The following NUDT9 variants were observed in gnomAD, a reference collection of about 807,000 sequenced individuals.
NUDT9 encodes ADP-ribose pyrophosphatase.
NUDT9 carries 31 observed loss-of-function variants against 41.0 expected under a neutral mutation model. The ratio of observed to expected loss-of-function variants is 0.76; its 90% CI spans 0.57 to 1.02. NUDT9 has a LOEUF of 1.02. Ranked by LOEUF, NUDT9 falls within the 50% of genes least tolerant of loss-of-function variation. NUDT9 has a pLI of 0.00. For missense variants in NUDT9, 380 were observed against 431.4 expected, an observed-to-expected ratio of 0.88 and a Z score of 1.06; for synonymous variants, 146 against 147.6, an observed-to-expected ratio of 0.99 and a Z score of 0.08.
intron 3 of NUDT9, 125 bp from the exon 4 acceptor site, chr4:87,441,704 G>A (rs1722208755): frequency 1.3e-6 from 1 of 769,548 alleles, no homozygotes; most frequent in African/African-American, 1.7e-5. Flanking sequence ...ATATGTGATA[G>A]TTCCATTGGA....
chr4:87,429,807 T>C (rs10213468), intron 1 of NUDT9, among the ~76,000 whole-genome samples: 100,936 of 150,690 alleles, frequency 0.67, 34,488 homozygotes, highest in African/African-American at 0.81. Flanking sequence ...TTTCCCTCTT[T>C]CTGTTTGCCT....
At chr4:87,442,588 T>C (rs1722250431) in intron 4 of NUDT9, among the ~76,000 whole-genome samples, 1 of 152,256 alleles carries the variant, frequency 6.6e-6, no homozygotes, top group African/African-American at 2.4e-5. Flanking sequence ...AAAACCTTTT[T>C]GGCTTTTTTA....
At position 87,442,004 on chromosome 4, in the gene NUDT9, C is replaced by G. The variant is rs988745678; in HGVS notation, c.530+89C>G. The G allele has an allele frequency of 6.1e-6, 5 of 824,904 alleles. No homozygotes were observed. In the African/African-American group the frequency reaches 8.6e-5, roughly 14 times the overall value. The allele number at this position is 824,904 out of a possible 1,614,324, so 51.1% of individuals were successfully genotyped here. ...AGCTATGTTTGTGTATATATGTATA[C>G]CTGTGTGTATATACATATGTATGTG... On this transcript the variant is annotated intron_variant, in intron 4 of 7. Coordinates refer to ENST00000302174, the MANE Select transcript of NUDT9 (RefSeq NM_024047.5).
chr4:87,425,587 G>A (rs1721377466), intron 1 of NUDT9, among the ~76,000 whole-genome samples: 1 of 150,764 alleles, frequency 6.6e-6, no homozygotes, highest in Admixed American at 6.6e-5. Context: ...TAGAGATGGG[G>A]TTTTACCATT....
rs1444367630 is a variant in NUDT9 at position 87,448,034 on chromosome 4, T to A, written c.531-1108T>A. On this transcript the variant is annotated intron_variant, in intron 4 of 7. Transcript: ENST00000302174. ...GTGACAGAGCAAGACCCTGTCTTTT[T>A]AAAAAAAAAAAAAAAAAGATTGAGA... Among the ~76,000 whole-genome samples, 601 of 134,508 alleles carry A rather than the reference T, an allele frequency of 4.5e-3. 3 individuals carry two copies. Among genetic ancestry groups the A allele is most frequent in the African/African-American group, 0.015 (537 of 36,728 alleles). The allele number at this position is 134,508 out of a possible 152,430, so 88.2% of individuals were successfully genotyped here.
intron 1 of NUDT9, among the ~76,000 whole-genome samples, chr4:87,429,901 A>G (rs191240049): frequency 7.2e-5 from 11 of 152,194 alleles, no homozygotes; most frequent in Admixed American, 5.2e-4. Flanking sequence ...TGCTTATATA[A>G]TAAATAGTAT....
intron 1 of NUDT9, among the ~76,000 whole-genome samples, chr4:87,429,583 T>C (rs1471888510): frequency 2.0e-5 from 3 of 152,172 alleles, no homozygotes; most frequent in Non-Finnish European, 4.4e-5. Flanking sequence ...CTTGTTTCCT[T>C]TTCCTTCAGT....
chr4:87,458,112 G>C lies in NUDT9; in HGVS notation c.*91G>C. Reference sequence around the variant, plus strand: ...AGAATTTATACTATAAAAAGGGCAGGGTAGGCCACTTGGCCTATTTACTTT... The same window carrying C: ...AGAATTTATACTATAAAAAGGGCAGCGTAGGCCACTTGGCCTATTTACTTT... On this transcript the variant is annotated 3_prime_UTR_variant, in exon 8 of 8. Coordinates refer to ENST00000302174, the MANE Select transcript of NUDT9 (RefSeq NM_024047.5). 1.6e-6 allele frequency: 2 copies of C among 1,232,262 alleles called. No homozygotes were observed. The highest frequency in any genetic ancestry group is 2.1e-6 in the Non-Finnish European group (2 of 936,636). The allele number at this position is 1,232,262 out of a possible 1,614,324, so 76.3% of individuals were successfully genotyped here.
chr4:87,450,413 C>T (rs1190012072), intron 5 of NUDT9, among the ~76,000 whole-genome samples: 2 of 128,814 alleles, frequency 1.6e-5, no homozygotes, highest in African/African-American at 5.8e-5. Flanking sequence ...CGGAGTCTCA[C>T]TCTGTTGCCC....
chr4:87,422,929 G>GACA lies in NUDT9; in HGVS notation c.24_25insACA (p.Lys8_Ala9insThr). On this transcript the variant is annotated inframe_insertion, in exon 1 of 8. Transcript: ENST00000302174. ...TCATGGCGGGACGCCTCCTGGGAAA[G>GACA]GCTTTAGCCGCGGTGTCTCTCTCTC... 6.2e-7 allele frequency: 1 copy of GACA among 1,611,974 alleles called. No homozygotes were observed. The highest frequency in any genetic ancestry group is 1.1e-5 in the South Asian group (1 of 90,958).
chr4:87,435,121 A>T lies in NUDT9; in HGVS notation c.248A>T (p.Glu83Val). Reference protein sequence around the residue: ...SKVERSQVPNEKVGWLVEWQD... With the variant: ...SKVERSQVPNVKVGWLVEWQD... ...GTTGAACGAAGCCAGGTTCCTAATG[A>T]GAAAGTGGGCTGGCTTGTTGAGTGG... Residue 83 changes from glutamate (E) to valine (V), a missense_variant, in exon 2 of 8, where the codon GAG (glutamate) becomes GTG (valine). Coordinates refer to ENST00000302174, the MANE Select transcript of NUDT9 (RefSeq NM_024047.5). 6.2e-7 allele frequency: 1 copy of T among 1,614,186 alleles called. No homozygotes were observed.
chr4:87,433,310 C>G (rs1721769135), intron 1 of NUDT9, among the ~76,000 whole-genome samples: 2 of 152,180 alleles, frequency 1.3e-5, no homozygotes, highest in Non-Finnish European at 2.9e-5. Flanking sequence ...CTTAATCTAT[C>G]TGGAAGAGTT....
Position 87,459,255 on chromosome 4 carries a change from T to C in NUDT9, c.*1234T>C, listed in dbSNP as rs542709602. 4.6e-5 allele frequency: 7 copies of C among 152,242 alleles called. No homozygotes were observed. In the South Asian group the frequency reaches 1.5e-3, roughly 32 times the overall value. 9.4% of individuals were successfully genotyped at this position (152,242 alleles called of 1,614,324 possible). A position where few individuals can be genotyped will look rare whatever the true frequency, so the allele number is the denominator to read the frequency against. On this transcript the variant is annotated 3_prime_UTR_variant, in exon 8 of 8. Transcript: ENST00000302174. ...GCTAAATGGTGAGAACACATGGACA[T>C]GGGAACAACACATTCTGGGGTCTAT...
At chr4:87,441,995 ATATG>A in intron 4 of NUDT9, 80 bp downstream of exon 4, 1 of 919,970 alleles carries the variant, frequency 1.1e-6, no homozygotes, top group Non-Finnish European at 1.7e-6. Context: ...GTTTGTGTAT[ATATG>A]TATACCTGTG....
chr4:87,457,836 C>T lies in NUDT9; in HGVS notation c.875-7C>T. On this transcript the variant is annotated splice_polypyrimidine_tract_variant and splice_region_variant and intron_variant, in intron 7 of 7. Coordinates refer to ENST00000302174, the MANE Select transcript of NUDT9 (RefSeq NM_024047.5). ...TTTCTTGGTGATGGTTTTTCTTTGG[C>T]AACCAGGTGAGATAATGGATAATCT... 6.2e-7 allele frequency: 1 copy of T among 1,604,808 alleles called. No homozygotes were observed. Among genetic ancestry groups the T allele is most frequent in the Non-Finnish European group, 8.5e-7 (1 of 1,177,026 alleles).
chr4:87,442,148 A>G (rs1193498859), intron 4 of NUDT9, among the ~76,000 whole-genome samples: 1 of 152,224 alleles, frequency 6.6e-6, no homozygotes, highest in African/African-American at 2.4e-5. Context: ...ATTTACATAA[A>G]ACTAGATTGT....
Position 87,422,684 on chromosome 4 carries a change from T to C in NUDT9, c.-222T>C. On this transcript the variant is annotated 5_prime_UTR_variant, in exon 1 of 8. Coordinates refer to ENST00000302174, the MANE Select transcript of NUDT9 (RefSeq NM_024047.5). ...TTCGGCGTCACGTGCTGGTCTGGAT[T>C]TTTCTCGATGCACTGGGGAAAGCGG... 2.4e-6 allele frequency: 1 copy of C among 408,946 alleles called. No individual in the cohort carries two copies. The highest frequency in any genetic ancestry group is 4.3e-6 in the Non-Finnish European group (1 of 230,864). 25.3% of individuals were successfully genotyped at this position (408,946 alleles called of 1,614,324 possible).
Position 87,459,445 on chromosome 4 carries a change from G to A in NUDT9, c.*1424G>A, listed in dbSNP as rs1437849734. 2 of 151,876 alleles carry A rather than the reference G, an allele frequency of 1.3e-5. No homozygotes were observed. The highest frequency in any genetic ancestry group is 2.9e-5 in the Non-Finnish European group (2 of 67,970). The allele number at this position is 151,876 out of a possible 1,614,324, so 9.4% of individuals were successfully genotyped here. On this transcript the variant is annotated 3_prime_UTR_variant, in exon 8 of 8. Transcript: ENST00000302174. ...TACTTAACAACAAAATAAACACAAA[G>A]GAAAATGTTAGCCATGTGTGAATTT...
At chr4:87,435,685 G>A (rs1489526682) in intron 2 of NUDT9, among the ~76,000 whole-genome samples, 1 of 152,306 alleles carries the variant, frequency 6.6e-6, no homozygotes, top group East Asian at 1.9e-4. Context: ...ATAGAAAAGG[G>A]TTGGATAAAG....
Sources: gnomAD v4.1 joint callset for allele counts (sites outside exome capture counted in the v4.1 genomes callset) on GRCh38, gnomAD v4.1.1 for gene constraint, MANE v1.5 for transcripts, NCBI Gene and HGNC (gene_info 2026-07-23, HGNC 2026-07-21) for gene names.